PAK5: variants seen among roughly 807,000 people sequenced by gnomAD.
PAK5 encodes serine/threonine-protein kinase PAK 5.
PAK5 carries 16 observed loss-of-function variants against 65.9 expected under a neutral mutation model. That is an observed-to-expected ratio of 0.24 (90% confidence interval 0.16 to 0.37). The LOEUF (loss-of-function observed/expected upper bound fraction) is 0.37, where lower values mean the gene tolerates loss of function less well. PAK5 is among the 10% of genes least tolerant of loss of function. The pLI is 1.00. For missense variants in PAK5, 785 were observed against 903.9 expected (o/e 0.87, Z 1.69); for synonymous variants, 371 against 354.9 (o/e 1.05, Z -0.51).
At chr20:9,688,079 T>C in intron 2 of PAK5, among the ~76,000 whole-genome samples, 1 of 151,566 alleles carries the variant, frequency 6.6e-6, no homozygotes, top group African/African-American at 2.4e-5. Context: ...GACACCAAGG[T>C]GAGAGAGAGG....
chr20:9,543,966 T>A (rs1313176750), intron 8 of PAK5, among the ~76,000 whole-genome samples: 1 of 152,228 alleles, frequency 6.6e-6, no homozygotes, highest in Non-Finnish European at 1.5e-5. Context: ...CATTTAAATA[T>A]CACCTCTATT....
intron 2 of PAK5, among the ~76,000 whole-genome samples, chr20:9,689,238 T>G (rs1487134331): frequency 6.6e-6 from 1 of 152,202 alleles, no homozygotes; most frequent in Non-Finnish European, 1.5e-5. Context: ...TGTCTGCCAC[T>G]TCTCAGTTCT....
chr20:9,665,338 T>G (rs1464865097), intron 2 of PAK5, among the ~76,000 whole-genome samples: 1 of 152,032 alleles, frequency 6.6e-6, no homozygotes, highest in Non-Finnish European at 1.5e-5. Context: ...ATCCACCCAC[T>G]CCCCTGGGCC....
rs2045210868 is a variant in PAK5, at chr20:9,538,816, AAG to A, written c.*644_*645del. The A allele has an allele frequency of 4.3e-6, 1 of 233,290 alleles. No homozygotes were observed. The highest frequency in any genetic ancestry group is 2.2e-5 in the African/African-American group (1 of 45,318). The allele number at this position is 233,290 out of a possible 1,614,324, so 14.5% of individuals were successfully genotyped here. On this transcript the variant is annotated 3_prime_UTR_variant, in exon 10 of 10. Transcript: ENST00000353224. ...AAATAAGACACTTGTTAGGATAAGA[AAG>A]AGATTTTACTAAAGCTGACGGTGAT... is the stretch of plus-strand genomic sequence containing the variant.
chr20:9,812,673 C>G (rs2049311664), intron 1 of PAK5, among the ~76,000 whole-genome samples: 1 of 152,104 alleles, frequency 6.6e-6, no homozygotes, highest in South Asian at 2.1e-4. Flanking sequence ...AAGTTAGAAT[C>G]AACTCAAATG....
intron 8 of PAK5, among the ~76,000 whole-genome samples, chr20:9,543,445 C>T (rs898098754): frequency 3.9e-5 from 6 of 152,082 alleles, no homozygotes; most frequent in Admixed American, 6.5e-5. Context: ...ATCTGATGAA[C>T]GTATTGCTAT....
At chr20:9,621,810 G>A (rs1382636791) in intron 3 of PAK5, among the ~76,000 whole-genome samples, 1 of 152,162 alleles carries the variant, frequency 6.6e-6, no homozygotes, top group African/African-American at 2.4e-5. Context: ...TTTGGGGATG[G>A]TCTCAGCTAA....
chr20:9,761,846 A>G (rs1600339989), intron 1 of PAK5, among the ~76,000 whole-genome samples: 1 of 152,098 alleles, frequency 6.6e-6, no homozygotes, highest in Admixed American at 6.6e-5. Context: ...GTCATACTCC[A>G]CCTCCTTAAG....
At chr20:9,625,991 T>C (rs1423144399) in intron 3 of PAK5, among the ~76,000 whole-genome samples, 6 of 152,206 alleles carry the variant, frequency 3.9e-5, no homozygotes, top group South Asian at 2.1e-4. Flanking sequence ...CACCAGCTAA[T>C]TGGGCTCACT....
intron 1 of PAK5, among the ~76,000 whole-genome samples, chr20:9,718,548 C>A (rs138140233): frequency 6.6e-6 from 1 of 151,890 alleles, no homozygotes; most frequent in East Asian, 1.9e-4. Context: ...ATATTGAGTT[C>A]TAGCCAAATA....
At chr20:9,640,162 C>T (rs2047033877) in intron 3 of PAK5, among the ~76,000 whole-genome samples, 1 of 151,230 alleles carries the variant, frequency 6.6e-6, no homozygotes, top group Non-Finnish European at 1.5e-5. Flanking sequence ...CCCATTAACT[C>T]ATCATTTAGC....
intron 2 of PAK5, among the ~76,000 whole-genome samples, chr20:9,687,669 C>T (rs1050356164): frequency 6.6e-6 from 1 of 152,050 alleles, no homozygotes; most frequent in African/African-American, 2.4e-5. Context: ...TACGGCCAAA[C>T]ACTTTTTTTT....
intron 2 of PAK5, among the ~76,000 whole-genome samples, chr20:9,683,971 A>G (rs1024812060): frequency 1.2e-4 from 19 of 152,218 alleles, no homozygotes; most frequent in Middle Eastern, 3.2e-3. Flanking sequence ...TTCTCCTCAC[A>G]TGCCAGTTGA....
chr20:9,809,291 A>T (rs2423474), intron 1 of PAK5, among the ~76,000 whole-genome samples: 62,521 of 150,996 alleles, frequency 0.41, 13,364 homozygotes, highest in African/African-American at 0.46. Flanking sequence ...TGAACAATTC[A>T]GTTAGAGAAC....
intron 1 of PAK5, among the ~76,000 whole-genome samples, chr20:9,758,101 T>C (rs1254174102): frequency 6.6e-6 from 1 of 152,220 alleles, no homozygotes; most frequent in African/African-American, 2.4e-5. Context: ...TTTTTTATAC[T>C]TTCCTACAAT....
chr20:9,601,221 T>G (rs1170276040), intron 3 of PAK5, among the ~76,000 whole-genome samples: 3 of 152,194 alleles, frequency 2.0e-5, no homozygotes, highest in Non-Finnish European at 4.4e-5. Context: ...ATATTCACAT[T>G]GCCTTAATTT....
chr20:9,689,378 C>T (rs774933178), intron 2 of PAK5, among the ~76,000 whole-genome samples: 10 of 152,170 alleles, frequency 6.6e-5, no homozygotes, highest in African/African-American at 2.2e-4. Context: ...TTTGGTGTTA[C>T]GATGACTTCA....
intron 3 of PAK5, among the ~76,000 whole-genome samples, chr20:9,587,648 T>C (rs1373534979): frequency 6.6e-6 from 1 of 152,082 alleles, no homozygotes; most frequent in Non-Finnish European, 1.5e-5. Flanking sequence ...AAGTATCTTG[T>C]TAAAGGGAGA....
Position 9,595,327 on chromosome 20 carries a change from C to T in PAK5, c.205-14397G>A, listed in dbSNP as rs548103417. Among the ~76,000 whole-genome samples, 3 of 152,180 alleles carry T rather than the reference C, an allele frequency of 2.0e-5. No homozygotes were observed. In the South Asian group the frequency reaches 6.2e-4, roughly 32 times the overall value. The stretch of plus-strand genomic sequence containing the variant: ...GACTGAATGATGGAGCGTATTTATC[C>T]CATGTGTTTATCCAAGAGGGCAAGT... On this transcript the variant is annotated intron_variant, in intron 3 of 9. Transcript: ENST00000353224.
Sources: allele counts gnomAD v4.1 joint callset (sites outside exome capture counted in the v4.1 genomes callset), GRCh38; gene constraint gnomAD v4.1.1; transcripts MANE v1.5; gene names NCBI Gene and HGNC (gene_info 2026-07-23, HGNC 2026-07-21).